The following VPS13B variants were observed in gnomAD, a reference collection of about 807,000 sequenced individuals.
VPS13B encodes vacuolar protein sorting 13 homolog B.
Under a neutral mutation model 426.4 loss-of-function variants are expected in VPS13B, and 285 were observed. That is an observed-to-expected ratio of 0.67 (90% CI 0.61 to 0.74). The LOEUF is 0.74. VPS13B is among the 30% of genes least tolerant of loss of function. The pLI is 0.00. For synonymous variants in VPS13B, 1,676 were observed against 1,676.4 expected, an observed-to-expected ratio of 1.00 and a Z score of 0.01; for missense variants, 4,537 against 4,782.6, an observed-to-expected ratio of 0.95 and a Z score of 1.51.
At chr8:99,868,254 G>A in intron 58 of VPS13B, 35 bp from the exon 59 acceptor site, 1 of 1,613,488 alleles carries the variant, frequency 6.2e-7, no homozygotes, top group South Asian at 1.1e-5. Context: ...AGGATTTTAA[G>A]CCTCTGTCCT....
intron 60 of VPS13B, 154 bp from the exon 61 acceptor site, chr8:99,871,294 G>T (rs1817398573): frequency 8.5e-7 from 1 of 1,176,314 alleles, no homozygotes. Context: ...ATCAGTCTGA[G>T]AACTGACAAT....
intron 19 of VPS13B, among the ~76,000 whole-genome samples, chr8:99,332,862 A>G (rs1810619020): frequency 1.3e-5 from 2 of 151,662 alleles, no homozygotes; most frequent in African/African-American, 4.8e-5. Context: ...GGAAAGGATA[A>G]AAAGTTGGCT....
In VPS13B at chr8:99,642,073, G is replaced by A. The variant is rs2133931825; in HGVS notation, c.5483G>A (p.Cys1828Tyr). 6.2e-7 allele frequency: 1 copy of A among 1,614,066 alleles called. No individual in the cohort carries two copies. The highest frequency in any genetic ancestry group is 1.1e-5 in the South Asian group (1 of 91,084). Residue 1828 changes from cysteine to tyrosine, a missense_variant, in exon 34 of 62, where the codon TGT becomes TAT. Cys to Tyr is a radical substitution (Grantham distance 194). Transcript: ENST00000357162. ...ASRISLMTYS[C>Y]MALSKSKSQE... ...AGAATCTCACTAATGACCTATTCCT[G>A]TATGGCCTTATCCAAATCGAAATCA...
intron 19 of VPS13B, among the ~76,000 whole-genome samples, chr8:99,381,021 A>T (rs2133286946): frequency 6.6e-6 from 1 of 151,948 alleles, no homozygotes; most frequent in Middle Eastern, 3.4e-3. Context: ...ACCAATGGTT[A>T]TTTTTATCTG....
chr8:99,349,936 A>C (rs1199925191), intron 19 of VPS13B, among the ~76,000 whole-genome samples: 1 of 152,222 alleles, frequency 6.6e-6, no homozygotes, highest in Non-Finnish European at 1.5e-5. Context: ...TAACCATCAT[A>C]GAGCATATGA....
chr8:99,485,917 T>C (rs1043980414), intron 25 of VPS13B, among the ~76,000 whole-genome samples: 4 of 152,358 alleles, frequency 2.6e-5, no homozygotes, highest in Non-Finnish European at 5.9e-5. Context: ...TTTAGATTTC[T>C]TAACTCCATT....
intron 21 of VPS13B, among the ~76,000 whole-genome samples, chr8:99,396,225 T>C (rs1479419323): frequency 6.6e-6 from 1 of 152,162 alleles, no homozygotes; most frequent in South Asian, 2.1e-4. Context: ...GAATTATCTA[T>C]GTATCTGTAT....
At chr8:99,479,711 C>G (rs1819935773) in intron 24 of VPS13B, among the ~76,000 whole-genome samples, 1 of 152,114 alleles carries the variant, frequency 6.6e-6, no homozygotes, top group South Asian at 2.1e-4. Flanking sequence ...CAGATTAATT[C>G]ACATTGTTGC....
At chr8:99,119,008 T>C (rs1040215810) in intron 7 of VPS13B, among the ~76,000 whole-genome samples, 2 of 152,190 alleles carry the variant, frequency 1.3e-5, no homozygotes, top group African/African-American at 4.8e-5. Flanking sequence ...TGTGTGAGAG[T>C]TGCAGTTGGC....
In VPS13B at chr8:99,835,279, C is replaced by A. The variant is rs1815326772; in HGVS notation, c.9697C>A (p.His3233Asn). The change falls in exon 53 of 62, where the codon CAC becomes AAC. Residue 3233 changes from histidine (H) to asparagine (N), a missense_variant. Coordinates refer to ENST00000357162, the MANE Select transcript of VPS13B (RefSeq NM_152564.5). ...AGACCCTAGTCCTCGAGTAATTATC[C>A]ACAATAGATGTCCAGTAAAAATGCT... ...SEDPSPRVII[H>N]NRCPVKMLIK... 1 of 1,613,412 alleles carries A rather than the reference C, an allele frequency of 6.2e-7. No individual in the cohort carries two copies. The highest frequency in any genetic ancestry group is 8.5e-7 in the Non-Finnish European group (1 of 1,179,500).
In VPS13B at chr8:99,875,479, CA is replaced by C. The variant is rs1371736348; in HGVS notation, c.11810del (p.Lys3937ArgfsTer51). The C allele has an allele frequency of 6.2e-7, 1 of 1,614,184 alleles. No homozygotes were observed. Among genetic ancestry groups the C allele is most frequent in the Non-Finnish European group, 8.5e-7 (1 of 1,180,032 alleles). On this transcript the variant is annotated frameshift_variant, in exon 62 of 62. Coordinates refer to ENST00000357162, the MANE Select transcript of VPS13B (RefSeq NM_152564.5). LOFTEE classifies it high-confidence loss of function. ...TACAACAGACTGGTGGACTACATCA[CA>C]AAGACATCTTGTCACCTGGCCCCCA... ...QQYNRLVDYI[T>X]KTSCHLAPSC...
intron 25 of VPS13B, among the ~76,000 whole-genome samples, chr8:99,485,140 C>A (rs555879767): frequency 9.9e-5 from 15 of 152,150 alleles, no homozygotes; most frequent in Non-Finnish European, 1.5e-4. Context: ...TTTTGAAACC[C>A]TACTAGGGTT....
intron 19 of VPS13B, among the ~76,000 whole-genome samples, chr8:99,313,895 C>A (rs1460604286): frequency 6.6e-6 from 1 of 152,106 alleles, no homozygotes; most frequent in Non-Finnish European, 1.5e-5. Context: ...CCCTTGCTGC[C>A]ATCTTGCAGA....
At chr8:99,143,212 A>G in intron 13 of VPS13B, 47 bp downstream of exon 13, 24 of 1,608,956 alleles carry the variant, frequency 1.5e-5, no homozygotes, top group Non-Finnish European at 2.0e-5. Context: ...TGTTTTGAGA[A>G]TAATTATATA....
At chr8:99,779,725 A>G (rs1438052805) in intron 42 of VPS13B, among the ~76,000 whole-genome samples, 1 of 152,236 alleles carries the variant, frequency 6.6e-6, no homozygotes, top group Non-Finnish European at 1.5e-5. Flanking sequence ...GTAACTTCAC[A>G]GAATATTTGG....
intron 30 of VPS13B, among the ~76,000 whole-genome samples, chr8:99,553,807 A>G (rs1824405136): frequency 6.6e-6 from 1 of 152,050 alleles, no homozygotes; most frequent in Non-Finnish European, 1.5e-5. Flanking sequence ...TATGTCACAT[A>G]TATGTCAATA....
chr8:99,633,806 G>GGTGT (rs139474452), intron 33 of VPS13B, among the ~76,000 whole-genome samples: 6,216 of 143,582 alleles, frequency 0.043, 328 homozygotes, highest in African/African-American at 0.12. Context: ...GAATGTGTCA[G>GGTGT]GTGTGTGTGT....
chr8:99,036,240 G>T (rs945844659), intron 2 of VPS13B, among the ~76,000 whole-genome samples: 3 of 151,956 alleles, frequency 2.0e-5, no homozygotes, highest in Non-Finnish European at 2.9e-5. Flanking sequence ...ACCTTACCTA[G>T]AATTAGATTT....
At chr8:99,285,276 T>G (rs1205667263) in intron 19 of VPS13B, among the ~76,000 whole-genome samples, 1 of 152,206 alleles carries the variant, frequency 6.6e-6, no homozygotes, top group Non-Finnish European at 1.5e-5. Flanking sequence ...CTTTGCTTGC[T>G]TCCTTTGAAA....
Sources: gnomAD v4.1 joint callset for allele counts (sites outside exome capture counted in the v4.1 genomes callset) on GRCh38, gnomAD v4.1.1 for gene constraint, MANE v1.5 for transcripts, NCBI Gene and HGNC (gene_info 2026-07-23, HGNC 2026-07-21) for gene names.